Variants in FNIP1 observed in about 807,000 individuals in gnomAD.
The protein encoded by FNIP1 is folliculin interacting protein 1.
FNIP1 carries 40 observed loss-of-function variants against 124.5 expected under a neutral mutation model. The observed-to-expected ratio is 0.32, with a 90% CI of 0.25 to 0.42. The LOEUF is 0.42. Among genes scored for constraint, FNIP1 ranks in the 10% least tolerant of loss-of-function variants. The pLI, the probability that FNIP1 is intolerant of heterozygous loss-of-function variation, is 1.00. For missense variants in FNIP1, 1,176 were observed against 1,403.7 expected, an observed-to-expected ratio of 0.84 and a Z score of 2.59; for synonymous variants, 472 against 470.6, an observed-to-expected ratio of 1.00 and a Z score of -0.04.
intron 3 of FNIP1, among the ~76,000 whole-genome samples, chr5:131,720,401 A>G (rs1434283335): frequency 6.6e-6 from 1 of 152,192 alleles, no homozygotes; most frequent in Non-Finnish European, 1.5e-5. Context: ...CCCAGAAGAA[A>G]ACAGGAGAAA....
At chr5:131,649,452 T>C (rs138160062) in intron 16 of FNIP1, among the ~76,000 whole-genome samples, 60 of 152,364 alleles carry the variant, frequency 3.9e-4, no homozygotes, top group Non-Finnish European at 8.2e-4. Flanking sequence ...GCCATTTGTA[T>C]ATTTTCTTTG....
chr5:131,787,638 T>C (rs1027691908), intron 1 of FNIP1, among the ~76,000 whole-genome samples: 37 of 152,226 alleles, frequency 2.4e-4, no homozygotes, highest in African/African-American at 8.4e-4. Flanking sequence ...GCCTGTTTCC[T>C]CATCAATGAA....
chr5:131,755,276 C>G (rs1771010267), intron 1 of FNIP1, among the ~76,000 whole-genome samples: 2 of 151,836 alleles, frequency 1.3e-5, no homozygotes, highest in South Asian at 4.2e-4. Context: ...CAAAAATTAG[C>G]CGGGCATGAT....
chr5:131,704,065 C>T lies in FNIP1; in HGVS notation c.1116G>A (p.Gln372=), dbSNP rs1768991738. The T allele has an allele frequency of 3.8e-6, 6 of 1,595,312 alleles. No individual in the cohort carries two copies. Among genetic ancestry groups the T allele is most frequent in the Non-Finnish European group, 5.1e-6 (6 of 1,166,068 alleles). Reference sequence around the variant, plus strand: ...TACATAAATAAATAACTATGCTTACCTGTTCTATTGCACTCTTTAATTTGT... The same window carrying T: ...TACATAAATAAATAACTATGCTTACTTGTTCTATTGCACTCTTTAATTTGT... ...HMNKLKSAIE[Q]AMKMSRRSAD... The change falls in exon 10 of 18, where the codon CAG becomes CAA. Residue 372 remains glutamine, a splice_region_variant and synonymous_variant. Coordinates refer to ENST00000510461, the MANE Select transcript of FNIP1 (RefSeq NM_133372.3).
chr5:131,726,671 G>C (rs1258309693), intron 3 of FNIP1, among the ~76,000 whole-genome samples: 2 of 151,966 alleles, frequency 1.3e-5, no homozygotes, highest in Admixed American at 1.3e-4. Context: ...CTTCAGTTCT[G>C]CTCTCATCTT....
intron 1 of FNIP1, among the ~76,000 whole-genome samples, chr5:131,781,040 G>T (rs527415689): frequency 8.7e-4 from 133 of 152,314 alleles, no homozygotes; most frequent in African/African-American, 3.1e-3. Context: ...TAAAAAAATG[G>T]TAAGAAAGTG....
chr5:131,711,556 T>A (rs188452593), intron 6 of FNIP1, among the ~76,000 whole-genome samples: 44 of 152,328 alleles, frequency 2.9e-4, no homozygotes, highest in African/African-American at 9.4e-4. Context: ...TGCAATGGCA[T>A]AATCATAGCT....
In FNIP1 at chr5:131,672,512, T is replaced by C. The variant is rs1390787166; in HGVS notation, c.1932A>G (p.Ser644=). The change falls in exon 14 of 18, where the codon TCA becomes TCG. Residue 644 remains serine (S), a synonymous_variant. Coordinates refer to ENST00000510461, the MANE Select transcript of FNIP1 (RefSeq NM_133372.3). ...AAGGAGAAATCATCTGGCACTCATCTGAAATTCCTAGCAGCTCCTTAGAGC... is the reference window on the plus strand; with the variant it reads ...AAGGAGAAATCATCTGGCACTCATCCGAAATTCCTAGCAGCTCCTTAGAGC... The part of the protein sequence containing the change: ...QNSSKELLGI[S]DECQMISPSD... The C allele has an allele frequency of 1.2e-6, 2 of 1,613,618 alleles. No individual in the cohort carries two copies. The highest frequency in any genetic ancestry group is 2.2e-5 in the East Asian group (1 of 44,898).
intron 2 of FNIP1, among the ~76,000 whole-genome samples, 168 bp from the exon 3 acceptor site, chr5:131,731,206 C>A (rs73268269): frequency 0.016 from 2,499 of 152,250 alleles, 54 homozygotes; most frequent in African/African-American, 0.053. Flanking sequence ...ATTTTCTATT[C>A]TTTGTCTCAT....
At chr5:131,737,999 A>C (rs1392628424) in intron 2 of FNIP1, among the ~76,000 whole-genome samples, 1 of 152,220 alleles carries the variant, frequency 6.6e-6, no homozygotes, top group East Asian at 1.9e-4. Context: ...GTTCCACCTC[A>C]GATCAGCAGA....
Position 131,679,252 on chromosome 5 carries a change from T to A in FNIP1, c.1203-77A>T, listed in dbSNP as rs181658486. ...TCTTAAAATAATTTTAAGTTTATATTGCCAGCTTGGTCCTTACATCTAGAT... is the reference window on the plus strand; with the variant it reads ...TCTTAAAATAATTTTAAGTTTATATAGCCAGCTTGGTCCTTACATCTAGAT... On this transcript the variant is annotated intron_variant, in intron 11 of 17. Transcript: ENST00000510461. The A allele has an allele frequency of 4.2e-5, 37 of 873,888 alleles. No homozygotes were observed. The Middle Eastern group carries it at 6.5e-4, about 15-fold the overall frequency. 54.1% of individuals were successfully genotyped at this position (873,888 alleles called of 1,614,324 possible). A position where few individuals can be genotyped will look rare whatever the true frequency, so the allele number is the denominator to read the frequency against.
chr5:131,656,055 G>C (rs1287554652), intron 15 of FNIP1, among the ~76,000 whole-genome samples: 1 of 152,096 alleles, frequency 6.6e-6, no homozygotes, highest in Non-Finnish European at 1.5e-5. Context: ...CTGGGTGACA[G>C]AGTAAGACTC....
At chr5:131,651,703 CACAA>C (rs1767044623) in intron 16 of FNIP1, 95 bp downstream of exon 16, 3 of 1,117,256 alleles carry the variant, frequency 2.7e-6, no homozygotes, top group Non-Finnish European at 3.8e-6. Flanking sequence ...CGGGTAATGA[CACAA>C]ACATTCAGTC....
intron 8 of FNIP1, 108 bp from the exon 9 acceptor site, chr5:131,706,654 C>T (rs1769124064): frequency 1.7e-6 from 2 of 1,148,626 alleles, no homozygotes; most frequent in South Asian, 2.3e-5. Context: ...TATTTTGCTT[C>T]ATGAGCCTCA....
intron 3 of FNIP1, among the ~76,000 whole-genome samples, chr5:131,723,279 T>C (rs930331527): frequency 2.6e-5 from 4 of 152,194 alleles, no homozygotes; most frequent in African/African-American, 4.8e-5. Context: ...TCTAACTCCA[T>C]TGTTATTTTG....
chr5:131,712,406 C>A (rs750460698), intron 6 of FNIP1, among the ~76,000 whole-genome samples: 84 of 152,180 alleles, frequency 5.5e-4, no homozygotes, highest in Non-Finnish European at 1.1e-3. Flanking sequence ...ATCCAAGGAC[C>A]CGTTGGGTCC....
At chr5:131,666,890 A>G (rs755709030) in intron 15 of FNIP1, among the ~76,000 whole-genome samples, 1 of 152,214 alleles carries the variant, frequency 6.6e-6, no homozygotes, top group Non-Finnish European at 1.5e-5. Flanking sequence ...GGTACAGATG[A>G]AAGAAGAAAA....
intron 1 of FNIP1, among the ~76,000 whole-genome samples, chr5:131,780,461 TTTTTATTTTTA>T (rs1378455570): frequency 3.3e-5 from 5 of 152,096 alleles, no homozygotes; most frequent in Admixed American, 1.3e-4. Context: ...GATACCACTT[TTTTTATTTTTA>T]TTTTATTTTT....
intron 1 of FNIP1, among the ~76,000 whole-genome samples, chr5:131,749,970 G>A (rs1369171541): frequency 2.6e-5 from 4 of 152,078 alleles, no homozygotes; most frequent in Non-Finnish European, 5.9e-5. Flanking sequence ...ATCATTCACT[G>A]GTGCATGAGT....
Sources: gnomAD v4.1 joint callset for allele counts (sites outside exome capture counted in the v4.1 genomes callset) on GRCh38, gnomAD v4.1.1 for gene constraint, MANE v1.5 for transcripts, NCBI Gene and HGNC (gene_info 2026-07-23, HGNC 2026-07-21) for gene names.